Variants in BEND2 observed in about 807,000 individuals in gnomAD.
BEND2 encodes BEN domain-containing protein 2.
In BEND2, 19 loss-of-function variants were observed where a neutral mutation model predicts 43.8. That is an observed-to-expected ratio of 0.43 (90% CI 0.30 to 0.64). BEND2 has a LOEUF of 0.64. Ranked by LOEUF, BEND2 falls within the 30% of genes least tolerant of loss-of-function variation. The pLI is 0.11. For synonymous variants in BEND2, 226 were observed against 210.1 expected, an observed-to-expected ratio of 1.08 and a Z score of -0.66; for missense variants, 544 against 574.0, an observed-to-expected ratio of 0.95 and a Z score of 0.53.
In BEND2 at chrX:18,213,772, A is replaced by G; in HGVS notation, c.376+2T>C. 6.2e-6 allele frequency: 1 copy of G among 160,645 alleles called. No homozygotes were observed. Among genetic ancestry groups the G allele is most frequent in the Non-Finnish European group, 1.2e-5 (1 of 84,113 alleles). The allele number at this position is 160,645 out of a possible 1,213,427, so 13.2% of individuals were successfully genotyped here. ...ACTAAAAATAAAAATAAAAATAAAT[A>G]CCTGGGCATGGTGGCGTGCGCCTGT... On this transcript the variant is annotated splice_donor_variant, in intron 3 of 13. Transcript: ENST00000380033. LOFTEE classifies it high-confidence loss of function.
chrX:18,210,475 C>T (rs1157304177), intron 4 of BEND2, among the ~76,000 whole-genome samples: 4 of 112,135 alleles, frequency 3.6e-5, no homozygotes, highest in Non-Finnish European at 7.5e-5. Flanking sequence ...AATCCTACAA[C>T]TACAGGAAAA....
chrX:18,195,430 A>G lies in BEND2; in HGVS notation c.1046T>C (p.Ile349Thr), dbSNP rs771065102. The G allele has an allele frequency of 8.3e-7, 1 of 1,202,647 alleles. No individual in the cohort carries two copies. Among genetic ancestry groups the G allele is most frequent in the African/African-American group, 1.8e-5 (1 of 56,863 alleles). ...TGTTGTTCCTGGCATTTCAGTAAGT[A>G]TAATTTTCTCAGCTATTGGGAAAAA... ...FIPPYFAEKIILTEMPGTTET... is the reference protein window; with the variant it reads ...FIPPYFAEKITLTEMPGTTET... The change falls in exon 7 of 14, where the codon ATA (isoleucine) becomes ACA (threonine). Residue 349 changes from isoleucine to threonine, a missense_variant. Coordinates refer to ENST00000380033, the MANE Select transcript of BEND2 (RefSeq NM_153346.5).
At chrX:18,206,114 C>CG (rs1925325403) in intron 4 of BEND2, among the ~76,000 whole-genome samples, 1 of 111,743 alleles carries the variant, frequency 8.9e-6, no homozygotes, top group African/African-American at 3.3e-5. Flanking sequence ...TTACTACTAA[C>CG]GGTAACAACA....
At chrX:18,167,518 T>C (rs1168961451) in intron 13 of BEND2, among the ~76,000 whole-genome samples, 2 of 111,454 alleles carry the variant, frequency 1.8e-5, no homozygotes, top group Non-Finnish European at 3.8e-5. Context: ...ATGTCAGTTA[T>C]AGCAAGAAAG....
At chrX:18,180,962 A>T (rs1183025701) in intron 8 of BEND2, among the ~76,000 whole-genome samples, 1 of 110,468 alleles carries the variant, frequency 9.1e-6, no homozygotes, top group Non-Finnish European at 1.9e-5. Flanking sequence ...TTTAATAGAC[A>T]TGGGGTTTCG....
Position 18,171,120 on chromosome X carries a change from G to A in BEND2, c.2066C>T (p.Ser689Leu). The A allele has an allele frequency of 8.3e-7, 1 of 1,209,903 alleles. No individual in the cohort carries two copies. Among genetic ancestry groups the A allele is most frequent in the Admixed American group, 2.2e-5 (1 of 46,078 alleles). Residue 689 changes from serine to leucine, a missense_variant, in exon 13 of 14, where the codon TCG becomes TTG. This residue lies in a region of BEND2 where 501 missense variants were observed against 501.6 expected (regional missense o/e 1.00). Coordinates refer to ENST00000380033, the MANE Select transcript of BEND2 (RefSeq NM_153346.5). Reference sequence around the variant, plus strand: ...GAGTTTCTGAATAAGGTATCTAGCCGACAGGCTTGCGCAAGACTTAGTTTT... The same window carrying A: ...GAGTTTCTGAATAAGGTATCTAGCCAACAGGCTTGCGCAAGACTTAGTTTT... ...LAKTKSCASL[S>L]ARYLIQKLFT... is the part of the protein sequence containing the mutation.
Position 18,205,605 on chromosome X carries a change from C to CA in BEND2, c.493-1691dup, listed in dbSNP as rs147435323. ...TGGGCAATGGAATGAGACCCTGTCTCAAAAAAAAAAAAAAAAAAAAAAAAA... is the reference window on the plus strand; with the variant it reads ...TGGGCAATGGAATGAGACCCTGTCTCAAAAAAAAAAAAAAAAAAAAAAAAAA... On this transcript the variant is annotated intron_variant, in intron 4 of 13. Transcript: ENST00000380033. 4.5e-3 allele frequency among the ~76,000 whole-genome samples: 109 copies of CA among 24,164 alleles called. 7 individuals are homozygous for CA. Among genetic ancestry groups the CA allele is most frequent in the African/African-American group, 6.7e-3 (35 of 5,261 alleles). 21.0% of individuals were successfully genotyped at this position (24,164 alleles called of 115,157 possible). A position where few individuals can be genotyped will look rare whatever the true frequency, so the allele number is the denominator to read the frequency against.
At chrX:18,178,413 T>C (rs1256315169) in intron 9 of BEND2, among the ~76,000 whole-genome samples, 1 of 111,292 alleles carries the variant, frequency 9.0e-6, no homozygotes, top group Non-Finnish European at 1.9e-5. Flanking sequence ...AAGGTCACAC[T>C]GCTAGTTACA....
chrX:18,217,660 T>C (rs1925711399), intron 1 of BEND2, among the ~76,000 whole-genome samples: 1 of 111,317 alleles, frequency 9.0e-6, no homozygotes, highest in Non-Finnish European at 1.9e-5. Flanking sequence ...GTCTACTTAA[T>C]AGTCTTCATG....
chrX:18,182,397 C>T (rs1047609901), intron 8 of BEND2, among the ~76,000 whole-genome samples: 1 of 111,481 alleles, frequency 9.0e-6, no homozygotes, highest in Non-Finnish European at 1.9e-5. Context: ...AATTAAACAT[C>T]GTTTCTTCAT....
At chrX:18,168,433 G>A (rs1923878809) in intron 13 of BEND2, among the ~76,000 whole-genome samples, 1 of 111,982 alleles carries the variant, frequency 8.9e-6, no homozygotes, top group African/African-American at 3.2e-5. Context: ...CCCATGAATT[G>A]GAGCTGAGAC....
chrX:18,174,445 C>T lies in BEND2; in HGVS notation c.1753-187G>A, dbSNP rs377343426. Among the ~76,000 whole-genome samples, 6 of 112,116 alleles carry T rather than the reference C, an allele frequency of 5.4e-5. No individual in the cohort carries two copies. The East Asian group carries it at 8.5e-4, about 16-fold the overall frequency. On this transcript the variant is annotated intron_variant, in intron 11 of 13. Transcript: ENST00000380033. Reference sequence around the variant, plus strand: ...AAAGAAGGAAAGGGGTGGCTTCTTCCGCAAGCTGTCATGACCTGCTGCTCC... The same window carrying T: ...AAAGAAGGAAAGGGGTGGCTTCTTCTGCAAGCTGTCATGACCTGCTGCTCC...
intron 11 of BEND2, 91 bp downstream of exon 11, chrX:18,175,881 A>G: frequency 1.4e-5 from 12 of 887,887 alleles, no homozygotes; most frequent in Non-Finnish European, 1.8e-5. Flanking sequence ...CACATGGCCT[A>G]AAGAGACTGT....
intron 8 of BEND2, 137 bp downstream of exon 8, chrX:18,190,864 C>G (rs1924747410): frequency 2.2e-6 from 1 of 447,248 alleles, no homozygotes. Context: ...TGTCAAAATC[C>G]TAGTTGTGAT....
intron 9 of BEND2, among the ~76,000 whole-genome samples, chrX:18,180,146 C>T (rs1405452208): frequency 8.9e-6 from 1 of 112,079 alleles, no homozygotes; most frequent in Non-Finnish European, 1.9e-5. Flanking sequence ...CACTGCACTC[C>T]AGCCTGGGCA....
Position 18,164,552 on chromosome X carries a change from G to A in BEND2, c.*457C>T, listed in dbSNP as rs2147384253. ...AGTTGAATTTTGAAAAGATAACTTT[G>A]AAAATATGTATTCATTCTACAAATT... On this transcript the variant is annotated 3_prime_UTR_variant, in exon 14 of 14. Coordinates refer to ENST00000380033, the MANE Select transcript of BEND2 (RefSeq NM_153346.5). 8.9e-6 allele frequency: 1 copy of A among 112,357 alleles called. No homozygotes were observed. Among genetic ancestry groups the A allele is most frequent in the East Asian group, 2.8e-4 (1 of 3,584 alleles). The allele number at this position is 112,357 out of a possible 1,213,427, so 9.3% of individuals were successfully genotyped here.
chrX:18,206,525 A>T (rs978633024), intron 4 of BEND2, among the ~76,000 whole-genome samples: 2 of 110,802 alleles, frequency 1.8e-5, no homozygotes, highest in Non-Finnish European at 3.8e-5. Flanking sequence ...GTGGGAGAAC[A>T]CGTAGAGGGG....
intron 8 of BEND2, among the ~76,000 whole-genome samples, chrX:18,181,325 A>G (rs1035142071): frequency 6.3e-5 from 7 of 111,345 alleles, no homozygotes; most frequent in Non-Finnish European, 1.3e-4. Context: ...TATTTATCCC[A>G]GAGAAATGAG....
chrX:18,182,680 G>A (rs1258041748), intron 8 of BEND2, among the ~76,000 whole-genome samples: 25 of 110,910 alleles, frequency 2.3e-4, no homozygotes, highest in African/African-American at 7.6e-4. Flanking sequence ...AGAGTAGAAA[G>A]GCAAAATAGA....
Sources: allele counts gnomAD v4.1 joint callset (sites outside exome capture counted in the v4.1 genomes callset), GRCh38; gene constraint gnomAD v4.1.1; regional missense constraint gnomAD v4.1.1; transcripts MANE v1.5; gene names NCBI Gene and HGNC (gene_info 2026-07-23, HGNC 2026-07-21).